Variants in FMN1 observed in about 807,000 individuals in gnomAD.
FMN1 encodes formin-1.
Under a neutral mutation model 132.4 loss-of-function variants are expected in FMN1, and 110 were observed. The ratio of observed to expected loss-of-function variants is 0.83; its 90% CI spans 0.71 to 0.97. The LOEUF (loss-of-function observed/expected upper bound fraction) is 0.97, where lower values mean the gene tolerates loss of function less well. Among genes scored for constraint, FMN1 ranks in the 50% least tolerant of loss-of-function variants. FMN1 has a pLI of 0.00. For missense variants in FMN1, 1,792 were observed against 1,705.3 expected (o/e 1.05, Z -0.90); for synonymous variants, 722 against 651.7 (o/e 1.11, Z -1.64).
At chr15:33,062,448 C>T (rs1274543413) in intron 6 of FMN1, among the ~76,000 whole-genome samples, 2 of 151,958 alleles carry the variant, frequency 1.3e-5, no homozygotes, top group East Asian at 1.9e-4. Flanking sequence ...GGTGAAACCC[C>T]GTCTCTACTA....
At chr15:32,860,179 AAGGG>A (rs1339336269) in intron 16 of FMN1, among the ~76,000 whole-genome samples, 3 of 115,764 alleles carry the variant, frequency 2.6e-5, no homozygotes, top group South Asian at 2.8e-4. Flanking sequence ...GAAAAAAGAA[AAGGG>A]AGGAAGGAAG....
chr15:33,027,330 ATTTTTTAG>A (rs1285421750), intron 6 of FMN1, among the ~76,000 whole-genome samples: 1 of 152,138 alleles, frequency 6.6e-6, no homozygotes, highest in Non-Finnish European at 1.5e-5. Flanking sequence ...ATAACAGATA[ATTTTTTAG>A]TATAAGTGTG....
intron 10 of FMN1, among the ~76,000 whole-genome samples, chr15:32,922,481 C>G (rs2060854725): frequency 6.6e-6 from 1 of 152,158 alleles, no homozygotes; most frequent in Non-Finnish European, 1.5e-5. Context: ...TCCTTGTTAC[C>G]TGTCAGATGT....
intron 4 of FMN1, among the ~76,000 whole-genome samples, chr15:33,117,952 G>GT (rs1035541577): frequency 9.2e-5 from 14 of 152,246 alleles, no homozygotes; most frequent in African/African-American, 3.4e-4. Flanking sequence ...AAATAATACT[G>GT]TTTTTCGTGT....
At chr15:33,063,869 T>C (rs985884472) in intron 6 of FMN1, 1 of 152,236 alleles carries the variant, frequency 6.6e-6, no homozygotes, top group African/African-American at 2.4e-5. Flanking sequence ...TACACAATTA[T>C]GATTTTTGGA....
At chr15:33,155,911 A>G (rs553957750) in intron 3 of FMN1, among the ~76,000 whole-genome samples, 4 of 152,258 alleles carry the variant, frequency 2.6e-5, no homozygotes, top group East Asian at 1.9e-4. Context: ...CACAAACTCT[A>G]TATTTCTAGT....
At chr15:33,039,220 A>G (rs890532927) in intron 6 of FMN1, among the ~76,000 whole-genome samples, 1 of 152,230 alleles carries the variant, frequency 6.6e-6, no homozygotes, top group Non-Finnish European at 1.5e-5. Context: ...AAAGGAAGCA[A>G]AACTGGAACT....
At position 33,056,840 on chromosome 15, in the gene FMN1, G is replaced by A. The variant is rs182725357; in HGVS notation, c.2161+8117C>T. Reference sequence around the variant, plus strand: ...CTCACAAGCATAACGTTAACAGAAAGAAGCCAGACACAAAATGAGTTAATT... The same window carrying A: ...CTCACAAGCATAACGTTAACAGAAAAAAGCCAGACACAAAATGAGTTAATT... On this transcript the variant is annotated intron_variant, in intron 6 of 20. Coordinates refer to ENST00000616417, the MANE Select transcript of FMN1 (RefSeq NM_001277313.2). Among the ~76,000 whole-genome samples, 507 of 152,304 alleles carry A rather than the reference G, an allele frequency of 3.3e-3. 1 individual carries two copies. Among genetic ancestry groups the A allele is most frequent in the Non-Finnish European group, 5.4e-3 (367 of 68,032 alleles).
intron 17 of FMN1, among the ~76,000 whole-genome samples, chr15:32,806,790 G>A (rs1377187818): frequency 3.9e-5 from 6 of 152,178 alleles, no homozygotes; most frequent in African/African-American, 1.4e-4. Flanking sequence ...CTCCCTCACT[G>A]CATTGAGGTC....
chr15:32,871,518 T>A (rs12438573), intron 16 of FMN1, among the ~76,000 whole-genome samples: 16,895 of 152,226 alleles, frequency 0.11, 1,301 homozygotes, highest in Admixed American at 0.18. Context: ...AGTTGGATAG[T>A]GAAATCCTTT....
intron 16 of FMN1, among the ~76,000 whole-genome samples, chr15:32,876,371 C>T (rs2059637991): frequency 6.6e-6 from 1 of 152,102 alleles, no homozygotes; most frequent in Non-Finnish European, 1.5e-5. Flanking sequence ...GGAAACATGG[C>T]AACTAAATGC....
At chr15:33,191,301 G>A (rs749875898) in intron 2 of FMN1, among the ~76,000 whole-genome samples, 3 of 152,200 alleles carry the variant, frequency 2.0e-5, no homozygotes, top group Non-Finnish European at 2.9e-5. Flanking sequence ...CACTTTAGAA[G>A]GAAGAGATAG....
intron 5 of FMN1, among the ~76,000 whole-genome samples, chr15:33,077,894 T>TC (rs1201213372): frequency 6.6e-6 from 1 of 151,170 alleles, no homozygotes; most frequent in Non-Finnish European, 1.5e-5. Context: ...AAAATGCTCA[T>TC]CATCACTGGC....
chr15:32,973,970 C>T (rs770623892), intron 7 of FMN1, among the ~76,000 whole-genome samples: 3 of 152,120 alleles, frequency 2.0e-5, no homozygotes, highest in Non-Finnish European at 4.4e-5. Flanking sequence ...CAGAGTAGAA[C>T]GTTCTGTTAG....
intron 16 of FMN1, among the ~76,000 whole-genome samples, chr15:32,873,069 A>C (rs1418297219): frequency 2.0e-5 from 3 of 152,206 alleles, no homozygotes; most frequent in Admixed American, 6.5e-5. Context: ...TCAGTTTGCC[A>C]CTGTCTTCAG....
intron 6 of FMN1, among the ~76,000 whole-genome samples, chr15:33,019,744 C>T (rs964895947): frequency 3.9e-5 from 6 of 152,226 alleles, no homozygotes; most frequent in African/African-American, 1.2e-4. Flanking sequence ...TCACTGCCCG[C>T]GGCAGGGCCG....
intron 4 of FMN1, among the ~76,000 whole-genome samples, chr15:33,097,848 C>G (rs1371115480): frequency 6.6e-6 from 1 of 152,136 alleles, no homozygotes; most frequent in Non-Finnish European, 1.5e-5. Context: ...GTAATTACAA[C>G]AGCTTGACAG....
At chr15:32,811,189 C>T in intron 17 of FMN1, 1 of 419,538 alleles carries the variant, frequency 2.4e-6, no homozygotes. Context: ...TTACATTTTT[C>T]CTTCTGGTAT....
intron 8 of FMN1, among the ~76,000 whole-genome samples, chr15:32,967,190 G>A (rs1488702782): frequency 6.6e-6 from 1 of 152,242 alleles, no homozygotes. Context: ...AAATGAGGAG[G>A]AAACAATGTA....
Sources: gnomAD v4.1 joint callset for allele counts (sites outside exome capture counted in the v4.1 genomes callset) on GRCh38, gnomAD v4.1.1 for gene constraint, MANE v1.5 for transcripts, NCBI Gene and HGNC (gene_info 2026-07-23, HGNC 2026-07-21) for gene names.